The following IL1RAPL1 variants were observed in gnomAD, a reference collection of about 807,000 sequenced individuals.
IL1RAPL1 encodes interleukin-1 receptor accessory protein-like 1.
Under a neutral mutation model 48.4 loss-of-function variants are expected in IL1RAPL1, and 3 were observed. The ratio of observed to expected loss-of-function variants is 0.06; its 90% CI spans 0.03 to 0.16. IL1RAPL1 has a LOEUF of 0.16. Ranked by LOEUF, IL1RAPL1 falls within the 10% of genes least tolerant of loss-of-function variation. IL1RAPL1 has a pLI of 1.00. For missense variants in IL1RAPL1, 349 were observed against 530.6 expected (o/e 0.66, Z 3.36); for synonymous variants, 185 against 187.7 (o/e 0.99, Z 0.12).
intron 2 of IL1RAPL1, among the ~76,000 whole-genome samples, chrX:29,068,794 TC>T (rs1927503001): frequency 8.9e-6 from 1 of 112,148 alleles, no homozygotes; most frequent in Non-Finnish European, 1.9e-5. Context: ...CAGGCTTCAT[TC>T]TTTAGGCAAA....
At chrX:29,195,807 C>T (rs1168904400) in intron 2 of IL1RAPL1, among the ~76,000 whole-genome samples, 5 of 110,873 alleles carry the variant, frequency 4.5e-5, no homozygotes, top group Admixed American at 1.9e-4. Flanking sequence ...GTGATCCACC[C>T]GCCTCGGCCT....
At chrX:29,685,980 G>A (rs190859934) in intron 6 of IL1RAPL1, among the ~76,000 whole-genome samples, 3 of 106,490 alleles carry the variant, frequency 2.8e-5, no homozygotes, top group Admixed American at 1.0e-4. Context: ...GTGAGACTCC[G>A]TCTCAAAAAA....
At chrX:29,201,358 C>T (rs1320280488) in intron 2 of IL1RAPL1, among the ~76,000 whole-genome samples, 1 of 110,569 alleles carries the variant, frequency 9.0e-6, no homozygotes, top group African/African-American at 3.3e-5. Context: ...ATTTTGATAA[C>T]TGTAATTTTT....
chrX:29,162,824 A>T (rs1348394017), intron 2 of IL1RAPL1, among the ~76,000 whole-genome samples: 3 of 111,068 alleles, frequency 2.7e-5, no homozygotes, highest in African/African-American at 9.8e-5. Context: ...CTGTAATCCC[A>T]GCACTTTGGG....
chrX:29,339,102 A>ACACACG (rs1439276500), intron 3 of IL1RAPL1, among the ~76,000 whole-genome samples: 1 of 109,981 alleles, frequency 9.1e-6, no homozygotes, highest in African/African-American at 3.3e-5. Context: ...ACACACACAC[A>ACACACG]CACACACACA....
At chrX:29,812,080 TAGAC>T (rs763260345) in intron 6 of IL1RAPL1, among the ~76,000 whole-genome samples, 130 of 112,164 alleles carry the variant, frequency 1.2e-3, no homozygotes, top group African/African-American at 3.6e-3. Context: ...AAAAGTTTGA[TAGAC>T]AGATTGTGAA....
At chrX:29,448,032 A>AG (rs2147724133) in intron 5 of IL1RAPL1, among the ~76,000 whole-genome samples, 1 of 111,993 alleles carries the variant, frequency 8.9e-6, no homozygotes, top group East Asian at 2.8e-4. Context: ...AAGTTCAGTA[A>AG]GGGGCCAGGA....
chrX:28,712,975 T>G (rs1236918247), intron 1 of IL1RAPL1, among the ~76,000 whole-genome samples: 1 of 112,180 alleles, frequency 8.9e-6, no homozygotes, highest in East Asian at 2.8e-4. Context: ...ATGTAGTTCC[T>G]TATTATTGGC....
intron 2 of IL1RAPL1, among the ~76,000 whole-genome samples, chrX:29,201,227 AACT>A (rs1423330222): frequency 1.8e-5 from 2 of 112,048 alleles, no homozygotes; most frequent in Admixed American, 9.5e-5. Flanking sequence ...ATGTCTTATT[AACT>A]ACAAGTATAT....
chrX:28,673,177 C>G (rs768455559), intron 1 of IL1RAPL1, among the ~76,000 whole-genome samples: 2 of 111,669 alleles, frequency 1.8e-5, no homozygotes, highest in Non-Finnish European at 3.8e-5. Context: ...AATAGAGGAC[C>G]CGGAAATAAG....
rs757427815 is a variant in IL1RAPL1, at chrX:29,924,341, C to A, written c.1057+4247C>A. 3.6e-5 allele frequency among the ~76,000 whole-genome samples: 4 copies of A among 112,090 alleles called. No individual in the cohort carries two copies. In the Admixed American group the frequency reaches 3.8e-4, roughly 11 times the overall value. On this transcript the variant is annotated intron_variant, in intron 8 of 10. Coordinates refer to ENST00000378993, the MANE Select transcript of IL1RAPL1 (RefSeq NM_014271.4). ...TTTAGCTCCAGCAATTTTGTTCTGT[C>A]AATTCTGAATTTGACTTTATAATAG...
intron 2 of IL1RAPL1, among the ~76,000 whole-genome samples, chrX:29,240,402 T>A (rs1056297141): frequency 9.5e-6 from 1 of 105,089 alleles, no homozygotes; most frequent in Non-Finnish European, 1.9e-5. Context: ...ACCCGGCTAA[T>A]TTTTGTATTT....
chrX:28,837,585 A>G (rs1297801041), intron 2 of IL1RAPL1, among the ~76,000 whole-genome samples: 1 of 107,919 alleles, frequency 9.3e-6, no homozygotes, highest in Non-Finnish European at 1.9e-5. Context: ...AGGGCAAGAG[A>G]TGATAATTCC....
chrX:29,759,162 C>A (rs1166817805), intron 6 of IL1RAPL1, among the ~76,000 whole-genome samples: 2 of 112,038 alleles, frequency 1.8e-5, no homozygotes, highest in Non-Finnish European at 3.8e-5. Flanking sequence ...ATTCATATTA[C>A]CCTCAGACAT....
chrX:28,902,638 T>C (rs2147327108), intron 2 of IL1RAPL1, among the ~76,000 whole-genome samples: 1 of 112,027 alleles, frequency 8.9e-6, no homozygotes, highest in South Asian at 3.7e-4. Flanking sequence ...TTATCTACTC[T>C]TCAAAACTAA....
intron 2 of IL1RAPL1, among the ~76,000 whole-genome samples, chrX:28,969,603 T>C (rs1925005115): frequency 9.1e-6 from 1 of 110,254 alleles, no homozygotes; most frequent in Non-Finnish European, 1.9e-5. Context: ...GTTTGTTAGG[T>C]TTACAATCTT....
chrX:29,397,147 A>T lies in IL1RAPL1; in HGVS notation c.549+703A>T, dbSNP rs188929977. Among the ~76,000 whole-genome samples the T allele has an allele frequency of 2.7e-5, 3 of 112,287 alleles. No individual in the cohort carries two copies. The Admixed American group carries it at 2.9e-4, about 11-fold the overall frequency. ...TTTTTGTTATTGAATGTACTCAAAA[A>T]ATAAAGTATAGATGCTGTGAACATT... is the stretch of plus-strand genomic sequence containing the variant. On this transcript the variant is annotated intron_variant, in intron 4 of 10. Coordinates refer to ENST00000378993, the MANE Select transcript of IL1RAPL1 (RefSeq NM_014271.4).
rs1933916617 is a variant in IL1RAPL1, at chrX:29,396,142, A to C, written c.363-116A>C. On this transcript the variant is annotated intron_variant, in intron 3 of 10. Coordinates refer to ENST00000378993, the MANE Select transcript of IL1RAPL1 (RefSeq NM_014271.4). Reference sequence around the variant, plus strand: ...CTGTGGAATAAGTCAAGATACCATAAAATTAGTTAAACAGTGAAGTTTTTG... The same window carrying C: ...CTGTGGAATAAGTCAAGATACCATACAATTAGTTAAACAGTGAAGTTTTTG... The C allele has an allele frequency of 3.2e-5, 18 of 564,767 alleles. 1 individual carries two copies. In the South Asian group the frequency reaches 4.9e-4, roughly 15 times the overall value. 46.5% of individuals were successfully genotyped at this position (564,767 alleles called of 1,213,427 possible). A position where few individuals can be genotyped will look rare whatever the true frequency, so the allele number is the denominator to read the frequency against.
At chrX:29,409,710 A>G (rs767768554) in intron 5 of IL1RAPL1, among the ~76,000 whole-genome samples, 4 of 111,655 alleles carry the variant, frequency 3.6e-5, no homozygotes, top group African/African-American at 1.3e-4. Context: ...GGAAAACAAG[A>G]CATCATAAAC....
Sources: allele counts gnomAD v4.1 joint callset (sites outside exome capture counted in the v4.1 genomes callset), GRCh38; gene constraint gnomAD v4.1.1; transcripts MANE v1.5; gene names NCBI Gene and HGNC (gene_info 2026-07-23, HGNC 2026-07-21).